Variants in TRPM3 observed in about 807,000 individuals in gnomAD.
The protein encoded by TRPM3 is long transient receptor potential channel 3.
A neutral mutation model predicts 181.2 loss-of-function variants in TRPM3; 77 were observed. The ratio of observed to expected loss-of-function variants is 0.42; its 90% CI spans 0.35 to 0.51. TRPM3 has a LOEUF of 0.51. Ranked by LOEUF, TRPM3 falls within the 20% of genes least tolerant of loss-of-function variation. The pLI is 0.01. For synonymous variants in TRPM3, 745 were observed against 796.4 expected (o/e 0.94, Z 1.09); for missense variants, 1,759 against 2,196.7 (o/e 0.80, Z 3.98).
intron 1 of TRPM3, among the ~76,000 whole-genome samples, chr9:71,081,733 G>C (rs2133762619): frequency 6.6e-6 from 1 of 152,088 alleles, no homozygotes; most frequent in South Asian, 2.1e-4. Flanking sequence ...TAAGAAACTT[G>C]GTTTAACTAC....
At chr9:71,074,515 C>G (rs778250847) in intron 1 of TRPM3, among the ~76,000 whole-genome samples, 1 of 152,098 alleles carries the variant, frequency 6.6e-6, no homozygotes, top group Non-Finnish European at 1.5e-5. Flanking sequence ...CTCTCTTTAG[C>G]GAGGTATTAG....
At chr9:70,966,887 A>C (rs1222623714) in intron 1 of TRPM3, among the ~76,000 whole-genome samples, 1 of 152,104 alleles carries the variant, frequency 6.6e-6, no homozygotes, top group East Asian at 1.9e-4. Context: ...AACTTCAAAT[A>C]AGAGTTTAAA....
rs537693614 is a variant in TRPM3 at position 71,229,638 on chromosome 9, A to T, written c.183+217015T>A. Reference sequence around the variant, plus strand: ...AAAAATGGACAAAGGATCTGAATAGATATTTCTCAAAAGAAGACAAATGAC... The same window carrying T: ...AAAAATGGACAAAGGATCTGAATAGTTATTTCTCAAAAGAAGACAAATGAC... On this transcript the variant is annotated intron_variant, in intron 1 of 24. Transcript: ENST00000357533. Among the ~76,000 whole-genome samples, 4 of 152,328 alleles carry T rather than the reference A, an allele frequency of 2.6e-5. No individual in the cohort carries two copies. In the South Asian group the frequency reaches 8.3e-4, roughly 32 times the overall value.
At chr9:70,669,559 G>C (rs1030598486) in intron 9 of TRPM3, among the ~76,000 whole-genome samples, 2 of 152,118 alleles carry the variant, frequency 1.3e-5, no homozygotes, top group African/African-American at 4.8e-5. Context: ...AATGCCATTG[G>C]AACTCTGCTT....
chr9:70,789,205 G>A (rs979781872), intron 6 of TRPM3, among the ~76,000 whole-genome samples: 1 of 152,140 alleles, frequency 6.6e-6, no homozygotes, highest in Non-Finnish European at 1.5e-5. Context: ...CAGCTTTTTA[G>A]AATGTCAAGA....
intron 1 of TRPM3, among the ~76,000 whole-genome samples, chr9:71,091,153 C>T (rs2066147707): frequency 1.3e-5 from 2 of 152,118 alleles, no homozygotes; most frequent in African/African-American, 4.8e-5. Flanking sequence ...ACCATGCTTA[C>T]CATTCTCTTA....
chr9:71,159,468 T>A (rs1027356227), intron 1 of TRPM3, among the ~76,000 whole-genome samples: 14 of 152,084 alleles, frequency 9.2e-5, no homozygotes, highest in African/African-American at 3.4e-4. Context: ...ATCAAATATA[T>A]CAAGAATACA....
At chr9:70,817,417 G>A (rs1215978219) in intron 6 of TRPM3, among the ~76,000 whole-genome samples, 1 of 152,146 alleles carries the variant, frequency 6.6e-6, no homozygotes, top group Non-Finnish European at 1.5e-5. Flanking sequence ...CAGGAGTGAG[G>A]CACCCACATC....
intron 14 of TRPM3, among the ~76,000 whole-genome samples, chr9:70,623,190 C>T (rs536078387): frequency 2.6e-5 from 4 of 152,082 alleles, no homozygotes; most frequent in African/African-American, 9.6e-5. Context: ...CATGGCGAAA[C>T]CCCTTCTCTA....
intron 9 of TRPM3, among the ~76,000 whole-genome samples, chr9:70,670,156 A>G (rs2062645819): frequency 6.6e-6 from 1 of 152,106 alleles, no homozygotes; most frequent in Admixed American, 6.6e-5. Flanking sequence ...CTGTTGGAAG[A>G]TGGGGTTTGA....
chr9:70,598,466 C>T lies in TRPM3; in HGVS notation c.3001G>A (p.Gly1001Ser), dbSNP rs770891191. ...YWYIRLLDIF[G>S]VNKYLGPYVM... ...TACGGGCCCAAATACTTGTTCACGCCGAAGATGTCTAGGAGACGGATATAC... is the reference window on the plus strand; with the variant it reads ...TACGGGCCCAAATACTTGTTCACGCTGAAGATGTCTAGGAGACGGATATAC... Residue 1001 changes from glycine (G) to serine (S), a missense_variant, in exon 21 of 26, where the codon GGC becomes AGC. Gly to Ser is a moderately conservative substitution (Grantham distance 56, BLOSUM62 0). Transcript: ENST00000677713. 1.3e-5 allele frequency: 21 copies of T among 1,614,004 alleles called. No individual in the cohort carries two copies. The highest frequency in any genetic ancestry group is 1.2e-4 in the South Asian group (11 of 91,086).
intron 1 of TRPM3, among the ~76,000 whole-genome samples, chr9:71,292,954 G>A (rs955068019): frequency 4.0e-5 from 6 of 151,824 alleles, no homozygotes; most frequent in South Asian, 2.1e-4. Flanking sequence ...ACAAAATGAC[G>A]AAATTGTGTT....
intron 8 of TRPM3, among the ~76,000 whole-genome samples, chr9:70,751,999 AGTGTGTGT>A (rs71507124): frequency 0.012 from 1,305 of 104,548 alleles, 20 homozygotes; most frequent in African/African-American, 0.035. Context: ...ACATCTCAAC[AGTGTGTGT>A]GTGTGTGTGT....
At chr9:71,129,728 G>A (rs948413644) in intron 1 of TRPM3, among the ~76,000 whole-genome samples, 1 of 152,068 alleles carries the variant, frequency 6.6e-6, no homozygotes, top group African/African-American at 2.4e-5. Flanking sequence ...AAAGAAGCTG[G>A]TATTTGCTCT....
At chr9:71,042,816 A>C (rs1171004463) in intron 1 of TRPM3, among the ~76,000 whole-genome samples, 2 of 152,236 alleles carry the variant, frequency 1.3e-5, no homozygotes, top group Non-Finnish European at 2.9e-5. Context: ...AACGTAATTT[A>C]AATAAGCATT....
At chr9:71,129,623 G>A (rs1341716813) in intron 1 of TRPM3, among the ~76,000 whole-genome samples, 1 of 152,140 alleles carries the variant, frequency 6.6e-6, no homozygotes, top group Admixed American at 6.6e-5. Context: ...TTGAATTCAG[G>A]TCTATCTTAT....
chr9:70,687,061 T>C (rs758813206), intron 8 of TRPM3, among the ~76,000 whole-genome samples: 12 of 151,944 alleles, frequency 7.9e-5, no homozygotes, highest in Non-Finnish European at 1.2e-4. Flanking sequence ...TCCCAACGTG[T>C]TGGGATCACG....
chr9:70,893,452 C>G (rs2096240719), intron 1 of TRPM3, among the ~76,000 whole-genome samples: 2 of 152,098 alleles, frequency 1.3e-5, no homozygotes, highest in African/African-American at 4.8e-5. Flanking sequence ...TGATAAAACA[C>G]TATATAAATA....
chr9:70,579,371 C>A (rs2054994310), intron 22 of TRPM3: 1 of 152,222 alleles, frequency 6.6e-6, no homozygotes, highest in Non-Finnish European at 1.5e-5. Context: ...CGACACAGCA[C>A]ACTATAACCC....
Sources: gnomAD v4.1 joint callset for allele counts (sites outside exome capture counted in the v4.1 genomes callset) on GRCh38, gnomAD v4.1.1 for gene constraint, MANE v1.5 for transcripts, NCBI Gene and HGNC (gene_info 2026-07-23, HGNC 2026-07-21) for gene names.